Variants in USP10 observed in about 807,000 individuals in gnomAD.
The protein encoded by USP10 is ubiquitin carboxyl-terminal hydrolase 10.
Under a neutral mutation model 84.5 loss-of-function variants are expected in USP10, and 22 were observed. The observed-to-expected ratio is 0.26, with a 90% CI of 0.19 to 0.37. USP10 has a LOEUF of 0.37. Among genes scored for constraint, USP10 ranks in the 10% least tolerant of loss-of-function variants. The pLI is 1.00. For missense variants in USP10, 1,019 were observed against 998.9 expected, an observed-to-expected ratio of 1.02 and a Z score of -0.27; for synonymous variants, 454 against 387.6, an observed-to-expected ratio of 1.17 and a Z score of -2.01.
At chr16:84,711,324 T>C (rs753822988) in intron 1 of USP10, among the ~76,000 whole-genome samples, 1 of 152,136 alleles carries the variant, frequency 6.6e-6, no homozygotes, top group Non-Finnish European at 1.5e-5. Context: ...GCACCCCACA[T>C]CTTGAAATAG....
At chr16:84,707,994 C>T (rs2113253) in intron 1 of USP10, among the ~76,000 whole-genome samples, 41,445 of 151,974 alleles carry the variant, frequency 0.27, 6,638 homozygotes, top group Non-Finnish European at 0.38. Context: ...GGGAGGATCG[C>T]TTGAACCTGG....
intron 12 of USP10, 60 bp downstream of exon 12, chr16:84,772,745 C>T (rs557261845): frequency 6.3e-7 from 1 of 1,592,958 alleles, no homozygotes; most frequent in Non-Finnish European, 8.6e-7. Flanking sequence ...ATCAGAAGCT[C>T]AACCCTGTAG....
In USP10 at chr16:84,772,928, C is replaced by T. The variant is rs1914608399; in HGVS notation, c.2143+243C>T. Among the ~76,000 whole-genome samples the T allele has an allele frequency of 1.3e-5, 2 of 152,088 alleles. 1 individual carries two copies. The highest frequency in any genetic ancestry group is 4.1e-4 in the South Asian group (2 of 4,828). Reference sequence around the variant, plus strand: ...TCTTACTAGATTAGAAAAATAGCAGCTTTTGTCTATCAAAAAGAACATCAC... The same window carrying T: ...TCTTACTAGATTAGAAAAATAGCAGTTTTTGTCTATCAAAAAGAACATCAC... On this transcript the variant is annotated intron_variant, in intron 12 of 13. Transcript: ENST00000219473.
chr16:84,728,465 G>T (rs1228268923), intron 1 of USP10, among the ~76,000 whole-genome samples: 1 of 151,438 alleles, frequency 6.6e-6, no homozygotes, highest in Non-Finnish European at 1.5e-5. Flanking sequence ...TCAGCCTCCC[G>T]GGTAGCTGGG....
intron 2 of USP10, 135 bp from the exon 3 acceptor site, chr16:84,740,174 G>A: frequency 1.5e-6 from 1 of 683,364 alleles, no homozygotes; most frequent in Non-Finnish European, 2.5e-6. Context: ...CTTCATGTAT[G>A]TTATTCTGCT....
At chr16:84,740,451 C>T (rs1597343155) in intron 3 of USP10, 82 bp downstream of exon 3, 1 of 1,135,130 alleles carries the variant, frequency 8.8e-7, no homozygotes, top group Non-Finnish European at 1.3e-6. Flanking sequence ...AACATTGTTT[C>T]CCATTTGAAT....
At chr16:84,722,632 G>T (rs1907958353) in intron 1 of USP10, among the ~76,000 whole-genome samples, 1 of 152,028 alleles carries the variant, frequency 6.6e-6, no homozygotes. Context: ...TGTGATCTTG[G>T]CTCACTGAAA....
Position 84,739,062 on chromosome 16 carries a change from CT to C in USP10, c.91-1233del, listed in dbSNP as rs35956790. 4.3e-3 allele frequency among the ~76,000 whole-genome samples: 619 copies of C among 142,558 alleles called. 3 individuals carry two copies. The highest frequency in any genetic ancestry group is 7.8e-3 in the African/African-American group (306 of 39,116). The allele number at this position is 142,558 out of a possible 152,430, so 93.5% of individuals were successfully genotyped here. On this transcript the variant is annotated intron_variant, in intron 2 of 13. Coordinates refer to ENST00000219473, the MANE Select transcript of USP10 (RefSeq NM_005153.3). ...TACCTTACCCCTTTTCTTCCTAAAC[CT>C]TTTTTTTTTTTTTGAGACAGAGTCT...
chr16:84,777,732 T>G (rs550542170), intron 13 of USP10, among the ~76,000 whole-genome samples: 22 of 151,922 alleles, frequency 1.4e-4, no homozygotes, highest in Non-Finnish European at 2.6e-4. Context: ...CTGCTGTCAT[T>G]TAGCCCCTCC....
chr16:84,758,459 T>C (rs976077219), intron 4 of USP10, among the ~76,000 whole-genome samples: 1 of 152,230 alleles, frequency 6.6e-6, no homozygotes, highest in Non-Finnish European at 1.5e-5. Context: ...TAGGTAGTTC[T>C]TGTGTTCCCT....
At chr16:84,752,311 T>A (rs1164203060) in intron 4 of USP10, among the ~76,000 whole-genome samples, 1 of 152,170 alleles carries the variant, frequency 6.6e-6, no homozygotes, top group African/African-American at 2.4e-5. Flanking sequence ...CATGATGAAT[T>A]GAAAAGAAGG....
intron 9 of USP10, among the ~76,000 whole-genome samples, 173 bp from the exon 10 acceptor site, chr16:84,763,913 G>A (rs921036468): frequency 2.6e-5 from 4 of 151,854 alleles, no homozygotes; most frequent in African/African-American, 9.7e-5. Context: ...TGTGCCTGTT[G>A]CGATTGGCCG....
intron 4 of USP10, among the ~76,000 whole-genome samples, chr16:84,757,394 GGGGT>G (rs139666497): frequency 0.11 from 10,100 of 95,330 alleles, 403 homozygotes; most frequent in Middle Eastern, 0.17. Context: ...GGGAATGAGA[GGGGT>G]GGGGGTGTGT....
intron 4 of USP10, among the ~76,000 whole-genome samples, chr16:84,749,532 G>A (rs760265379): frequency 5.9e-5 from 9 of 151,832 alleles, no homozygotes; most frequent in African/African-American, 2.2e-4. Context: ...TTGAGCCCGG[G>A]AGTTCGAGGC....
At chr16:84,723,042 A>T (rs1296782540) in intron 1 of USP10, among the ~76,000 whole-genome samples, 1 of 152,036 alleles carries the variant, frequency 6.6e-6, no homozygotes, top group Non-Finnish European at 1.5e-5. Context: ...CCTGCTTCAC[A>T]CTGGAAACCG....
chr16:84,762,140 G>A (rs900913949), intron 8 of USP10, among the ~76,000 whole-genome samples: 1 of 152,244 alleles, frequency 6.6e-6, no homozygotes, highest in African/African-American at 2.4e-5. Flanking sequence ...TGACTCGTCT[G>A]TGAATGATTT....
Position 84,752,707 on chromosome 16 carries a change from C to A in USP10, c.1193-6009C>A, listed in dbSNP as rs1432045544. On this transcript the variant is annotated intron_variant, in intron 4 of 13. Coordinates refer to ENST00000219473, the MANE Select transcript of USP10 (RefSeq NM_005153.3). ...GGTCTGGTCTTAGGAGGAATTAGAA[C>A]TGCTTTTGCACCCCTGTTTTTTTCA... Among the ~76,000 whole-genome samples, 7 of 152,186 alleles carry A rather than the reference C, an allele frequency of 4.6e-5. 1 individual carries two copies.
intron 1 of USP10, among the ~76,000 whole-genome samples, chr16:84,721,144 G>A (rs974510174): frequency 1.3e-5 from 2 of 151,952 alleles, no homozygotes; most frequent in African/African-American, 4.8e-5. Context: ...CACCTGCCTG[G>A]GCCTCCCAAA....
At chr16:84,706,386 G>T (rs1207563301) in intron 1 of USP10, among the ~76,000 whole-genome samples, 1 of 151,718 alleles carries the variant, frequency 6.6e-6, no homozygotes, top group East Asian at 1.9e-4. Context: ...CAGCAAAATT[G>T]AGAGAAAAGT....
Sources: gnomAD v4.1 joint callset for allele counts (sites outside exome capture counted in the v4.1 genomes callset) on GRCh38, gnomAD v4.1.1 for gene constraint, MANE v1.5 for transcripts, NCBI Gene and HGNC (gene_info 2026-07-23, HGNC 2026-07-21) for gene names.